SLC36A1: variants seen among roughly 807,000 people sequenced by gnomAD.
The protein encoded by SLC36A1 is proton-coupled amino acid transporter 1.
A neutral mutation model predicts 47.5 loss-of-function variants in SLC36A1; 30 were observed. The ratio of observed to expected loss-of-function variants is 0.63; its 90% CI spans 0.47 to 0.86. SLC36A1 has a LOEUF of 0.86. Among genes scored for constraint, SLC36A1 ranks in the 40% least tolerant of loss-of-function variants. The pLI is 0.00. For missense variants in SLC36A1, 517 were observed against 606.0 expected (o/e 0.85, Z 1.54); for synonymous variants, 255 against 249.7 (o/e 1.02, Z -0.20).
chr5:151,500,073 G>C, the SLC36A1 span, among the ~76,000 whole-genome samples: 1 of 152,170 alleles, frequency 6.6e-6, no homozygotes, highest in Non-Finnish European at 1.5e-5. Flanking sequence ...CCCTGGCTCT[G>C]TGCCACCTAG....
upstream of SLC36A1, among the ~76,000 whole-genome samples, chr5:151,443,702 A>G (rs1752759928): frequency 1.3e-5 from 2 of 152,082 alleles, no homozygotes; most frequent in African/African-American, 4.8e-5. Context: ...TGCTTTTGTA[A>G]TCTGAGCTTT....
At chr5:151,416,544 G>A in the SLC36A1 span, among the ~76,000 whole-genome samples, 2 of 152,136 alleles carry the variant, frequency 1.3e-5, no homozygotes, top group East Asian at 3.9e-4. Flanking sequence ...TATGAGAGCA[G>A]TATCAAAGAA....
At chr5:151,370,957 C>A in the SLC36A1 span, among the ~76,000 whole-genome samples, 5 of 152,154 alleles carry the variant, frequency 3.3e-5, no homozygotes, top group African/African-American at 1.2e-4. Flanking sequence ...CGCAGTACTA[C>A]ACTCCAGATT....
chr5:151,390,142 G>T, the SLC36A1 span, among the ~76,000 whole-genome samples: 75,457 of 152,014 alleles, frequency 0.5, 20,716 homozygotes, highest in African/African-American at 0.75. Context: ...GTTTTGATTT[G>T]CATTTCTCTG....
chr5:151,480,232 T>A, intron 10 of SLC36A1: 1 of 473,338 alleles, frequency 2.1e-6, no homozygotes, highest in Non-Finnish European at 3.5e-6. Context: ...GCAATTGTTT[T>A]CCAAATTCAA....
chr5:151,537,697 A>T, the SLC36A1 span: 1 of 1,254,886 alleles, frequency 8.0e-7, no homozygotes, highest in Non-Finnish European at 1.1e-6. Flanking sequence ...AGATGAGTGA[A>T]TTCCTGTTTC....
the SLC36A1 span, among the ~76,000 whole-genome samples, chr5:151,384,117 TCCAAAAAAAAAATCTC>T: frequency 2.0e-5 from 3 of 152,008 alleles, no homozygotes; most frequent in Admixed American, 2.0e-4. Context: ...GTTTGTATCT[TCCAAAAAAAAAATCTC>T]CTAGTATGAG....
At chr5:151,539,768 T>G in the SLC36A1 span, among the ~76,000 whole-genome samples, 1 of 152,222 alleles carries the variant, frequency 6.6e-6, no homozygotes, top group Non-Finnish European at 1.5e-5. Flanking sequence ...GGTTTATGCC[T>G]CTAGGAACAC....
At chr5:151,399,081 TATA>T in the SLC36A1 span, among the ~76,000 whole-genome samples, 913 of 88,778 alleles carry the variant, frequency 0.01, 5 homozygotes, top group African/African-American at 0.02. Flanking sequence ...TATATATATA[TATA>T]TTTTTTTTTT....
chr5:151,527,977 C>A, the SLC36A1 span: 16 of 1,612,726 alleles, frequency 9.9e-6, no homozygotes, highest in Admixed American at 3.3e-5. Flanking sequence ...TCAGGGTGCG[C>A]CCCTCCCACA....
At chr5:151,546,305 G>A in the SLC36A1 span, 2 of 1,613,366 alleles carry the variant, frequency 1.2e-6, no homozygotes, top group East Asian at 2.2e-5. Context: ...ATGCCTAGCA[G>A]GGCATTGATG....
the SLC36A1 span, chr5:151,543,711 T>C: frequency 1.2e-6 from 2 of 1,614,194 alleles, no homozygotes; most frequent in Admixed American, 1.7e-5. Flanking sequence ...TGTTGGCATT[T>C]GTAGTGTTGA....
the SLC36A1 span, among the ~76,000 whole-genome samples, chr5:151,359,274 T>C: frequency 6.6e-6 from 1 of 152,136 alleles, no homozygotes; most frequent in African/African-American, 2.4e-5. Context: ...GTTTTAGAAA[T>C]CTCCTGGCTA....
chr5:151,525,346 C>A, the SLC36A1 span, among the ~76,000 whole-genome samples: 579 of 152,314 alleles, frequency 3.8e-3, 5 homozygotes, highest in Admixed American at 7.2e-3. Context: ...GAGCCCCAAG[C>A]CAGTTCTCTG....
At chr5:151,554,612 A>G in the SLC36A1 span, 1 of 1,614,166 alleles carries the variant, frequency 6.2e-7, no homozygotes, top group Non-Finnish European at 8.5e-7. Flanking sequence ...GACGTCCAAG[A>G]TGCCTACCAC....
the SLC36A1 span, among the ~76,000 whole-genome samples, chr5:151,427,147 A>G: frequency 6.6e-6 from 1 of 152,194 alleles, no homozygotes; most frequent in East Asian, 1.9e-4. Context: ...CCACAGTATC[A>G]TGGCTTATTT....
At chr5:151,518,122 G>C in the SLC36A1 span, among the ~76,000 whole-genome samples, 6 of 152,088 alleles carry the variant, frequency 3.9e-5, no homozygotes, top group Admixed American at 2.6e-4. Flanking sequence ...CCTGAACCCA[G>C]AAGTTCGAGA....
At chr5:151,507,901 G>A in the SLC36A1 span, among the ~76,000 whole-genome samples, 5 of 152,096 alleles carry the variant, frequency 3.3e-5, no homozygotes, top group Admixed American at 6.6e-5. Context: ...TCATGAGGTC[G>A]GATTTCCTCC....
At chr5:151,401,089 T>C in the SLC36A1 span, among the ~76,000 whole-genome samples, 9 of 152,330 alleles carry the variant, frequency 5.9e-5, no homozygotes, top group African/African-American at 1.4e-4. Flanking sequence ...ATAAATTCTT[T>C]GTCAAGGCCA....
Sources: allele counts gnomAD v4.1 joint callset (sites outside exome capture counted in the v4.1 genomes callset), GRCh38; gene constraint gnomAD v4.1.1; transcripts MANE v1.5; gene names NCBI Gene and HGNC (gene_info 2026-07-23, HGNC 2026-07-21).